DIAPH3: variants seen among roughly 807,000 people sequenced by gnomAD.
DIAPH3 encodes the protein protein diaphanous homolog 3.
In DIAPH3, 117 loss-of-function variants were observed where a neutral mutation model predicts 144.3. That is an observed-to-expected ratio of 0.81 (90% confidence interval 0.70 to 0.95). The LOEUF is 0.95. DIAPH3 is among the 40% of genes least tolerant of loss of function. The pLI, the probability that DIAPH3 is intolerant of heterozygous loss-of-function variation, is 0.00. For missense variants in DIAPH3, 1,421 were observed against 1,412.7 expected (o/e 1.01, Z -0.09); for synonymous variants, 519 against 488.9 (o/e 1.06, Z -0.81).
chr13:59,734,276 A>G (rs955032693), intron 27 of DIAPH3, among the ~76,000 whole-genome samples: 17 of 152,326 alleles, frequency 1.1e-4, no homozygotes, highest in Middle Eastern at 3.4e-3. Context: ...ATTAAAACAT[A>G]TAAGTATCAT....
intron 2 of DIAPH3, among the ~76,000 whole-genome samples, 200 bp downstream of exon 2, chr13:60,132,757 T>C (rs2059175787): frequency 6.6e-6 from 1 of 152,108 alleles, no homozygotes; most frequent in South Asian, 2.1e-4. Context: ...TTAATTAACA[T>C]ATCCACCATT....
chr13:59,762,420 G>A (rs1040087584), intron 27 of DIAPH3, among the ~76,000 whole-genome samples: 1 of 151,410 alleles, frequency 6.6e-6, no homozygotes, highest in Non-Finnish European at 1.5e-5. Context: ...ATATTTAATT[G>A]GAACAATGTT....
intron 21 of DIAPH3, among the ~76,000 whole-genome samples, chr13:59,863,061 AG>A (rs747033410): frequency 1.3e-5 from 2 of 152,268 alleles, no homozygotes; most frequent in East Asian, 3.9e-4. Context: ...TGAGACGACC[AG>A]GGTGGACCAA....
chr13:59,720,687 A>C (rs952630997), intron 27 of DIAPH3, among the ~76,000 whole-genome samples: 2 of 152,154 alleles, frequency 1.3e-5, no homozygotes, highest in Admixed American at 1.3e-4. Flanking sequence ...TGTGCCTGAC[A>C]GTTATCTATA....
At chr13:60,065,182 A>C (rs2056907680) in intron 4 of DIAPH3, among the ~76,000 whole-genome samples, 1 of 151,934 alleles carries the variant, frequency 6.6e-6, no homozygotes, top group Admixed American at 6.6e-5. Flanking sequence ...ATATGAAGTA[A>C]ACACATGCTG....
intron 27 of DIAPH3, among the ~76,000 whole-genome samples, chr13:59,730,696 T>C (rs1027027598): frequency 1.3e-5 from 2 of 152,204 alleles, no homozygotes; most frequent in Non-Finnish European, 2.9e-5. Context: ...CCATTCTGCC[T>C]TGCACTTAAA....
chr13:59,748,074 A>T (rs536210004), intron 27 of DIAPH3, among the ~76,000 whole-genome samples: 1 of 152,336 alleles, frequency 6.6e-6, no homozygotes, highest in African/African-American at 2.4e-5. Context: ...AGACTATGGA[A>T]CAGAGACAGC....
intron 9 of DIAPH3, among the ~76,000 whole-genome samples, chr13:60,001,718 C>T (rs2052538879): frequency 6.6e-6 from 1 of 152,196 alleles, no homozygotes; most frequent in Admixed American, 6.5e-5. Context: ...TTGAACCCTA[C>T]AGGTATGATC....
At chr13:60,106,433 A>G (rs1301386007) in intron 3 of DIAPH3, among the ~76,000 whole-genome samples, 4 of 152,202 alleles carry the variant, frequency 2.6e-5, no homozygotes, top group Non-Finnish European at 4.4e-5. Context: ...ATAATTTTAA[A>G]TGAAAATATA....
chr13:60,078,900 T>C (rs914303906), intron 4 of DIAPH3, among the ~76,000 whole-genome samples: 1 of 152,012 alleles, frequency 6.6e-6, no homozygotes, highest in African/African-American at 2.4e-5. Flanking sequence ...GAGGTTCTAC[T>C]AACCTTCTAG....
rs147648682 is a variant in DIAPH3, at chr13:60,117,281, A to C, written c.214-5095T>G. On this transcript the variant is annotated intron_variant, in intron 2 of 27. Coordinates refer to ENST00000400324, the MANE Select transcript of DIAPH3 (RefSeq NM_001042517.2). The stretch of plus-strand genomic sequence containing the variant: ...TGAAGGCAAGATAGGAAAAATTAGC[A>C]TTCCCCTCTTCTAGCTTATAAATCC... Among the ~76,000 whole-genome samples, 52 of 152,202 alleles carry C rather than the reference A, an allele frequency of 3.4e-4. No homozygotes were observed. In the East Asian group the frequency reaches 9.3e-3, roughly 27 times the overall value.
At chr13:59,972,134 G>A (rs1349732586) in intron 15 of DIAPH3, among the ~76,000 whole-genome samples, 3 of 152,084 alleles carry the variant, frequency 2.0e-5, no homozygotes, top group Non-Finnish European at 2.9e-5. Context: ...GAAGAAATGC[G>A]TAGGATAAAT....
intron 23 of DIAPH3, chr13:59,838,354 G>T (rs986395169): frequency 2.6e-5 from 4 of 151,880 alleles, no homozygotes; most frequent in Admixed American, 6.6e-5. Flanking sequence ...GAATACAAAA[G>T]AAACCTTAAA....
intron 4 of DIAPH3, among the ~76,000 whole-genome samples, chr13:60,058,187 A>C (rs1404694724): frequency 6.9e-6 from 1 of 143,910 alleles, no homozygotes; most frequent in Non-Finnish European, 1.5e-5. Context: ...TCAAATCAGC[A>C]AAAAAAAAAA....
At chr13:60,109,053 C>T (rs949799079) in intron 3 of DIAPH3, among the ~76,000 whole-genome samples, 6 of 151,930 alleles carry the variant, frequency 3.9e-5, no homozygotes, top group Admixed American at 3.9e-4. Context: ...CTCAAGTCTC[C>T]CAAAAGGAGT....
Position 59,666,662 on chromosome 13 carries a change from C to G in DIAPH3, c.3504G>C (p.Thr1168=). The change falls in exon 28 of 28, where the codon ACG becomes ACC. Residue 1168 remains threonine (T), a synonymous_variant. Transcript: ENST00000400324. ...TTTTAGAAAAAGAGCCAAGAAGTTC[C>G]GTTTCCTTTTTTCTGTTGCTTTCTA... ...CNVESNRKKE[T]ELLGSFSKNE... The G allele has an allele frequency of 6.2e-7, 1 of 1,614,070 alleles. No individual in the cohort carries two copies. Among genetic ancestry groups the G allele is most frequent in the South Asian group, 1.1e-5 (1 of 91,084 alleles).
intron 5 of DIAPH3, among the ~76,000 whole-genome samples, chr13:60,029,114 C>G (rs2054599178): frequency 6.6e-6 from 1 of 151,852 alleles, no homozygotes; most frequent in African/African-American, 2.4e-5. Context: ...AAGTAACAAC[C>G]TCCTCCACCC....
chr13:59,833,182 G>A lies in DIAPH3; in HGVS notation c.2952C>T (p.Tyr984=), dbSNP rs755693892. 6.8e-6 allele frequency: 11 copies of A among 1,610,708 alleles called. No homozygotes were observed. The highest frequency in any genetic ancestry group is 2.2e-5 in the East Asian group (1 of 44,720). Reference sequence around the variant, plus strand: ...ACACCTTCTTCACATCAATGGCATAGTATCCTATTATACTCTGGTATAACT... The same window carrying A: ...ACACCTTCTTCACATCAATGGCATAATATCCTATTATACTCTGGTATAACT... ...MEKLYQSIIG[Y]YAIDVKKVSV... Residue 984 remains tyrosine, a synonymous_variant, in exon 24 of 28, where the codon TAC becomes TAT. Coordinates refer to ENST00000400324, the MANE Select transcript of DIAPH3 (RefSeq NM_001042517.2).
chr13:60,088,971 T>A (rs1344971857), intron 4 of DIAPH3, among the ~76,000 whole-genome samples: 1 of 152,194 alleles, frequency 6.6e-6, no homozygotes, highest in East Asian at 1.9e-4. Flanking sequence ...AAAAAATATA[T>A]AAATCTTGTT....
Sources: allele counts gnomAD v4.1 joint callset (sites outside exome capture counted in the v4.1 genomes callset), GRCh38; gene constraint gnomAD v4.1.1; transcripts MANE v1.5; gene names NCBI Gene and HGNC (gene_info 2026-07-23, HGNC 2026-07-21).